MDH1B: variants seen among roughly 807,000 people sequenced by gnomAD.
MDH1B encodes malate dehydrogenase 1B.
A neutral mutation model predicts 61.4 loss-of-function variants in MDH1B; 60 were observed. That is an observed-to-expected ratio of 0.98 (90% CI 0.79 to 1.21). The LOEUF (loss-of-function observed/expected upper bound fraction) is 1.21. Among genes scored for constraint, MDH1B ranks in the 50% most tolerant of loss-of-function variants. The pLI is 0.00. For missense variants in MDH1B, 587 were observed against 632.1 expected (o/e 0.93, Z 0.76); for synonymous variants, 236 against 218.7 (o/e 1.08, Z -0.70).
intron 2 of MDH1B, 28 bp downstream of exon 2, chr2:206,760,873 A>G: frequency 7.9e-7 from 1 of 1,269,184 alleles, no homozygotes; most frequent in Non-Finnish European, 1.1e-6. Context: ...TGCATGAGTG[A>G]GTTCAACAAA....
rs1224196319 is a variant in MDH1B, at chr2:206,743,158, T to C, written c.1409-2054A>G. Among the ~76,000 whole-genome samples the C allele has an allele frequency of 1.3e-5, 2 of 152,226 alleles. 1 individual carries two copies. The highest frequency in any genetic ancestry group is 3.8e-4 in the East Asian group (2 of 5,198). Reference sequence around the variant, plus strand: ...GCCTACTAAGTAGGGACTTGGCGTTTAATGTTGCAGCTCAGGAAGCTTTCT... The same window carrying C: ...GCCTACTAAGTAGGGACTTGGCGTTCAATGTTGCAGCTCAGGAAGCTTTCT... On this transcript the variant is annotated intron_variant, in intron 9 of 11. Transcript: ENST00000374412.
At chr2:206,751,838 A>G (rs1164468214) in intron 5 of MDH1B, among the ~76,000 whole-genome samples, 1 of 152,224 alleles carries the variant, frequency 6.6e-6, no homozygotes, top group Admixed American at 6.5e-5. Context: ...TGTTGTATGA[A>G]AACTTTAAAT....
At chr2:206,765,101 G>T in intron 1 of MDH1B, 149 bp downstream of exon 1, 2 of 905,880 alleles carry the variant, frequency 2.2e-6, no homozygotes, top group Non-Finnish European at 3.1e-6. Flanking sequence ...AATGCTTGGC[G>T]CACCGTCACG....
chr2:206,748,345 C>T (rs1290763419), intron 7 of MDH1B, among the ~76,000 whole-genome samples: 1 of 152,214 alleles, frequency 6.6e-6, no homozygotes, highest in Non-Finnish European at 1.5e-5. Context: ...TGCCATTGCA[C>T]CCCAGCCTGA....
At chr2:206,742,807 G>A (rs1364130304) in intron 9 of MDH1B, among the ~76,000 whole-genome samples, 1 of 149,668 alleles carries the variant, frequency 6.7e-6, no homozygotes, top group Non-Finnish European at 1.5e-5. Flanking sequence ...CACCTCCTGG[G>A]TTCACGTCAT....
chr2:206,760,679 T>C (rs1490007116), intron 2 of MDH1B, among the ~76,000 whole-genome samples: 1 of 152,218 alleles, frequency 6.6e-6, no homozygotes, highest in Non-Finnish European at 1.5e-5. Context: ...AAACTTATTC[T>C]ACTTATTGAT....
At chr2:206,741,521 T>C (rs368467974) in intron 9 of MDH1B, 15 of 211,544 alleles carry the variant, frequency 7.1e-5, no homozygotes, top group African/African-American at 2.1e-4. Context: ...AAGGTGAGAA[T>C]TGCCTAGCCT....
chr2:206,758,972 T>G (rs1407562084), intron 2 of MDH1B, among the ~76,000 whole-genome samples: 2 of 151,904 alleles, frequency 1.3e-5, no homozygotes, highest in Non-Finnish European at 2.9e-5. Flanking sequence ...TGTTTTTTTT[T>G]TTTTTCTTTA....
chr2:206,747,261 T>C (rs957955780), intron 7 of MDH1B, among the ~76,000 whole-genome samples: 2 of 152,160 alleles, frequency 1.3e-5, no homozygotes, highest in Non-Finnish European at 2.9e-5. Context: ...CCTCAAGTAA[T>C]GCTGTATTTT....
chr2:206,738,603 G>T, intron 11 of MDH1B, 92 bp from the exon 12 acceptor site: 2 of 867,194 alleles, frequency 2.3e-6, no homozygotes, highest in Non-Finnish European at 3.6e-6. Flanking sequence ...CTGGATTCCT[G>T]TATTCATGAT....
At chr2:206,745,749 T>C in intron 8 of MDH1B, 76 bp from the exon 9 acceptor site, 7 of 942,634 alleles carry the variant, frequency 7.4e-6, no homozygotes, top group East Asian at 3.6e-5. Flanking sequence ...TTTTTTTTTT[T>C]TGAGACAGAG....
chr2:206,741,289 T>G, intron 9 of MDH1B, 185 bp from the exon 10 acceptor site: 1 of 750,854 alleles, frequency 1.3e-6, no homozygotes, highest in Non-Finnish European at 2.2e-6. Context: ...AAAAAATACA[T>G]GAAATAATAC....
chr2:206,745,125 C>T (rs1688028824), intron 9 of MDH1B, among the ~76,000 whole-genome samples: 1 of 151,984 alleles, frequency 6.6e-6, no homozygotes, highest in African/African-American at 2.4e-5. Context: ...AACACAGACA[C>T]ACACAGAGGA....
chr2:206,750,996 A>G lies in MDH1B; in HGVS notation c.990T>C (p.Tyr330=), dbSNP rs1046203867. 1.9e-6 allele frequency: 3 copies of G among 1,611,280 alleles called. No homozygotes were observed. Among genetic ancestry groups the G allele is most frequent in the South Asian group, 2.2e-5 (2 of 90,730 alleles). ...VDLRKTRVYR[Y]ESAIWGPLHY... is the part of the protein sequence containing the mutation. ...GAAGAGGTCCCCAAATGGCACTCTC[A>G]TATCTGTACACCCTTGTTTTTCTCA... Residue 330 remains tyrosine (Y), a synonymous_variant, in exon 6 of 12, where the codon TAT becomes TAC. Coordinates refer to ENST00000374412, the MANE Select transcript of MDH1B (RefSeq NM_001039845.3).
intron 1 of MDH1B, among the ~76,000 whole-genome samples, chr2:206,761,421 G>A (rs769552939): frequency 4.4e-4 from 67 of 152,204 alleles, no homozygotes; most frequent in Middle Eastern, 3.4e-3. Flanking sequence ...TTTTGGATTT[G>A]ATGTGTGTCA....
At chr2:206,763,332 C>A in intron 1 of MDH1B, among the ~76,000 whole-genome samples, 1 of 151,626 alleles carries the variant, frequency 6.6e-6, no homozygotes, top group Non-Finnish European at 1.5e-5. Flanking sequence ...CCCTTATCTG[C>A]CCTCCTCCAG....
At chr2:206,740,734 A>G (rs576099763) in intron 10 of MDH1B, among the ~76,000 whole-genome samples, 5 of 152,158 alleles carry the variant, frequency 3.3e-5, no homozygotes, top group South Asian at 2.1e-4. Flanking sequence ...ATCTTGCCCT[A>G]TTGGTTATTT....
chr2:206,743,458 C>T (rs142025271), intron 9 of MDH1B, among the ~76,000 whole-genome samples: 62 of 152,248 alleles, frequency 4.1e-4, no homozygotes, highest in African/African-American at 1.3e-3. Flanking sequence ...CCATGACAGG[C>T]TAAGTTCCTC....
chr2:206,746,245 T>C, intron 8 of MDH1B, 42 bp downstream of exon 8: 2 of 1,571,860 alleles, frequency 1.3e-6, no homozygotes, highest in Non-Finnish European at 1.7e-6. Flanking sequence ...CAGTTTAAGG[T>C]CATTATCAAG....
Sources: allele counts gnomAD v4.1 joint callset (sites outside exome capture counted in the v4.1 genomes callset), GRCh38; gene constraint gnomAD v4.1.1; transcripts MANE v1.5; gene names NCBI Gene and HGNC (gene_info 2026-07-23, HGNC 2026-07-21).